RALGAPA1: variants seen among roughly 807,000 people sequenced by gnomAD.
RALGAPA1 encodes Ral GTPase activating protein catalytic subunit alpha 1, also known as ral GTPase-activating protein subunit alpha-1.
In RALGAPA1, 52 loss-of-function variants were observed where a neutral mutation model predicts 269.6. The ratio of observed to expected loss-of-function variants is 0.19; its 90% CI spans 0.15 to 0.24. The LOEUF is 0.24. Among genes scored for constraint, RALGAPA1 ranks in the 10% least tolerant of loss-of-function variants. RALGAPA1 has a pLI of 1.00. For synonymous variants in RALGAPA1, 817 were observed against 1,008.3 expected, an observed-to-expected ratio of 0.81 and a Z score of 3.60; for missense variants, 1,917 against 3,013.9, an observed-to-expected ratio of 0.64 and a Z score of 8.52.
At chr14:35,736,802 G>A (rs1304916707) in intron 12 of RALGAPA1, among the ~76,000 whole-genome samples, 1 of 152,186 alleles carries the variant, frequency 6.6e-6, no homozygotes, top group Non-Finnish European at 1.5e-5. Flanking sequence ...TTGGGAGGCT[G>A]AGGCAGGCAG....
At chr14:35,624,465 G>T (rs2060864712) in intron 35 of RALGAPA1, among the ~76,000 whole-genome samples, 1 of 151,948 alleles carries the variant, frequency 6.6e-6, no homozygotes, top group African/African-American at 2.4e-5. Context: ...TTTATGCTTT[G>T]TTTTGTTTAA....
At chr14:35,750,330 T>C in intron 9 of RALGAPA1, 152 bp downstream of exon 9, 3 of 478,112 alleles carry the variant, frequency 6.3e-6, no homozygotes, top group Non-Finnish European at 3.7e-6. Context: ...TTATTAATTC[T>C]ATAATTAAAA....
intron 8 of RALGAPA1, 102 bp from the exon 9 acceptor site, chr14:35,750,792 CTGG>C (rs1486861526): frequency 3.0e-6 from 3 of 1,013,156 alleles, no homozygotes; most frequent in Non-Finnish European, 4.3e-6. Context: ...TTATGCTACT[CTGG>C]TTTCAGAAGT....
At chr14:35,763,367 C>A (rs73252336) in intron 4 of RALGAPA1, among the ~76,000 whole-genome samples, 6,093 of 152,188 alleles carry the variant, frequency 0.04, 425 homozygotes, top group African/African-American at 0.14. Context: ...ACAGGTATCA[C>A]TGAGGCCCAA....
intron 1 of RALGAPA1, among the ~76,000 whole-genome samples, chr14:35,792,594 C>T (rs1056331704): frequency 6.6e-6 from 1 of 151,716 alleles, no homozygotes; most frequent in Non-Finnish European, 1.5e-5. Context: ...ACCAGCCTGG[C>T]CAACGTGGCG....
At position 35,653,938 on chromosome 14, in the gene RALGAPA1, T is replaced by C. The variant is rs369706548; in HGVS notation, c.5607+429A>G. Among the ~76,000 whole-genome samples the C allele has an allele frequency of 7.9e-5, 12 of 152,340 alleles. No individual in the cohort carries two copies. In the South Asian group the frequency reaches 1.7e-3, roughly 21 times the overall value. ...AAGAGGGAATAAAGCAACATACATG[T>C]TTATAAAGACGATGACATAAGTTTA... On this transcript the variant is annotated intron_variant, in intron 30 of 41. Coordinates refer to ENST00000680220, the MANE Select transcript of RALGAPA1 (RefSeq NM_001346249.2).
intron 33 of RALGAPA1, among the ~76,000 whole-genome samples, chr14:35,629,282 G>GGGT (rs2061183139): frequency 6.9e-6 from 1 of 145,292 alleles, no homozygotes; most frequent in Non-Finnish European, 1.5e-5. Flanking sequence ...ATGTTTAGGG[G>GGGT]GTGTGTGTGT....
At chr14:35,687,193 C>T (rs975700057) in intron 18 of RALGAPA1, among the ~76,000 whole-genome samples, 1 of 152,102 alleles carries the variant, frequency 6.6e-6, no homozygotes, top group Admixed American at 6.5e-5. Context: ...TTGACTTCCA[C>T]AAATGTTTTT....
intron 16 of RALGAPA1, among the ~76,000 whole-genome samples, chr14:35,719,087 G>C (rs2069132389): frequency 6.6e-6 from 1 of 152,070 alleles, no homozygotes; most frequent in Non-Finnish European, 1.5e-5. Context: ...CCAGCACTTT[G>C]GGAGGCCAAG....
At chr14:35,748,543 A>G (rs1336563058) in intron 10 of RALGAPA1, 42 bp downstream of exon 10, 2 of 1,555,878 alleles carry the variant, frequency 1.3e-6, no homozygotes, top group South Asian at 2.5e-5. Flanking sequence ...ATTAAAGATA[A>G]AAGCCTTCCT....
chr14:35,693,852 A>C (rs2066691415), intron 17 of RALGAPA1, among the ~76,000 whole-genome samples: 1 of 152,106 alleles, frequency 6.6e-6, no homozygotes, highest in Admixed American at 6.5e-5. Context: ...TAGATTAAAA[A>C]ACCGGTTTTT....
intron 4 of RALGAPA1, chr14:35,766,945 A>G: frequency 2.6e-6 from 1 of 386,914 alleles, no homozygotes; most frequent in Non-Finnish European, 5.1e-6. Context: ...CGTTGCCCAC[A>G]GGGCTGCCGT....
chr14:35,609,852 T>C (rs1246937050), intron 35 of RALGAPA1, among the ~76,000 whole-genome samples: 3 of 148,804 alleles, frequency 2.0e-5, no homozygotes, highest in Non-Finnish European at 4.5e-5. Flanking sequence ...CACTTGAGCC[T>C]GGGAGTTCCA....
rs187909778 is a variant in RALGAPA1 at position 35,556,490 on chromosome 14, A to G, written c.7497-7256T>C. ...AATAAAATTCCCCTAAACAAATTGC[A>G]TGAATCTTGTTATTAATATTGCTTA... is the stretch of plus-strand genomic sequence containing the variant. On this transcript the variant is annotated intron_variant, in intron 39 of 41. Coordinates refer to ENST00000680220, the MANE Select transcript of RALGAPA1 (RefSeq NM_001346249.2). Among the ~76,000 whole-genome samples the G allele has an allele frequency of 2.6e-5, 4 of 152,352 alleles. No homozygotes were observed. In the East Asian group the frequency reaches 7.7e-4, roughly 29 times the overall value.
intron 39 of RALGAPA1, among the ~76,000 whole-genome samples, chr14:35,552,432 A>C (rs1310470866): frequency 6.6e-6 from 1 of 152,178 alleles, no homozygotes; most frequent in Non-Finnish European, 1.5e-5. Flanking sequence ...ATTGAGTGGC[A>C]CACAAACTCC....
intron 31 of RALGAPA1, among the ~76,000 whole-genome samples, chr14:35,645,241 T>G (rs1277614575): frequency 2.0e-5 from 3 of 151,964 alleles, no homozygotes; most frequent in Admixed American, 6.6e-5. Context: ...CCTAATTACC[T>G]CTCAAAGGCC....
At chr14:35,643,248 G>A (rs1222980142) in intron 31 of RALGAPA1, among the ~76,000 whole-genome samples, 1 of 152,006 alleles carries the variant, frequency 6.6e-6, no homozygotes, top group Non-Finnish European at 1.5e-5. Context: ...GAGTTAATGG[G>A]TGCAGCACAC....
rs1328137936 is a variant in RALGAPA1, at chr14:35,674,417, T to C, written c.4818+99A>G. The C allele has an allele frequency of 2.4e-6, 3 of 1,273,692 alleles. No homozygotes were observed. In the African/African-American group the frequency reaches 4.5e-5, roughly 19 times the overall value. 78.9% of individuals were successfully genotyped at this position (1,273,692 alleles called of 1,614,324 possible). ...TGACTTTGCCATGCAGGGTACCAGT[T>C]TATAGTCAAAAAGGGTGTCACAAAT... On this transcript the variant is annotated intron_variant, in intron 23 of 41. Coordinates refer to ENST00000680220, the MANE Select transcript of RALGAPA1 (RefSeq NM_001346249.2).
intron 11 of RALGAPA1, among the ~76,000 whole-genome samples, chr14:35,739,279 A>C (rs535150066): frequency 6.6e-6 from 1 of 152,274 alleles, no homozygotes; most frequent in East Asian, 1.9e-4. Flanking sequence ...AATATCTTTA[A>C]ATAGTTAAGT....
Sources: gnomAD v4.1 joint callset for allele counts (sites outside exome capture counted in the v4.1 genomes callset) on GRCh38, gnomAD v4.1.1 for gene constraint, MANE v1.5 for transcripts, NCBI Gene and HGNC (gene_info 2026-07-23, HGNC 2026-07-21) for gene names.